Variants in LRRK2 observed in about 807,000 individuals in gnomAD.
The protein encoded by LRRK2 is leucine-rich repeat serine/threonine-protein kinase 2.
A neutral mutation model predicts 302.6 loss-of-function variants in LRRK2; 203 were observed. The ratio of observed to expected loss-of-function variants is 0.67; its 90% CI spans 0.60 to 0.75. The LOEUF is 0.75. Ranked by LOEUF, LRRK2 falls within the 30% of genes least tolerant of loss-of-function variation. The pLI, the probability that LRRK2 is intolerant of heterozygous loss-of-function variation, is 0.00. For synonymous variants in LRRK2, 1,066 were observed against 1,031.9 expected (o/e 1.03, Z -0.63); for missense variants, 2,830 against 2,951.0 (o/e 0.96, Z 0.95).
chr12:40,343,317 C>T (rs1474727930), intron 41 of LRRK2, among the ~76,000 whole-genome samples: 11 of 152,110 alleles, frequency 7.2e-5, no homozygotes, highest in African/African-American at 2.7e-4. Flanking sequence ...ATTCTGGGTC[C>T]TATGGCAATT....
In LRRK2 at chr12:40,276,400, A is replaced by G. The variant is rs561077251; in HGVS notation, c.1941+1407A>G. The stretch of plus-strand genomic sequence containing the variant: ...ACCCTCCGCCTCCTGGGTTCAAGCA[A>G]TTCTCCTGCCTCAGCCTCCCTAGTA... On this transcript the variant is annotated intron_variant, in intron 16 of 50. Transcript: ENST00000298910. Among the ~76,000 whole-genome samples, 10 of 152,012 alleles carry G rather than the reference A, an allele frequency of 6.6e-5. No homozygotes were observed. In the South Asian group the frequency reaches 1.9e-3, roughly 28 times the overall value.
chr12:40,308,264 A>G (rs1296173773), intron 28 of LRRK2, among the ~76,000 whole-genome samples: 2 of 152,146 alleles, frequency 1.3e-5, no homozygotes, highest in African/African-American at 4.8e-5. Flanking sequence ...TGATTTTACC[A>G]AACATTATCA....
chr12:40,324,310 G>A (rs1039388757), intron 38 of LRRK2, among the ~76,000 whole-genome samples: 1 of 151,996 alleles, frequency 6.6e-6, no homozygotes, highest in African/African-American at 2.4e-5. Context: ...TATATGTTGT[G>A]GAATGGAGAA....
At chr12:40,337,499 C>T (rs1369399149) in intron 40 of LRRK2, among the ~76,000 whole-genome samples, 1 of 152,072 alleles carries the variant, frequency 6.6e-6, no homozygotes, top group African/African-American at 2.4e-5. Flanking sequence ...TGTTATATCC[C>T]ACAGTTGCCA....
At chr12:40,226,469 A>G (rs1390459673) in intron 2 of LRRK2, among the ~76,000 whole-genome samples, 3 of 152,162 alleles carry the variant, frequency 2.0e-5, no homozygotes, top group South Asian at 2.1e-4. Context: ...CAGAAAGCCA[A>G]TGTTTCTTAA....
chr12:40,252,138 T>C (rs1942301930), intron 10 of LRRK2, among the ~76,000 whole-genome samples: 1 of 152,222 alleles, frequency 6.6e-6, no homozygotes, highest in Non-Finnish European at 1.5e-5. Context: ...TTGTTTCATA[T>C]CCGTGAGCCT....
At chr12:40,296,435 C>G (rs1309841304) in intron 23 of LRRK2, among the ~76,000 whole-genome samples, 1 of 151,964 alleles carries the variant, frequency 6.6e-6, no homozygotes, top group Non-Finnish European at 1.5e-5. Context: ...GAGTTCAAGA[C>G]CAGCTTAAGC....
intron 29 of LRRK2, 126 bp from the exon 30 acceptor site, chr12:40,308,980 C>A: frequency 9.1e-7 from 1 of 1,101,410 alleles, no homozygotes; most frequent in Non-Finnish European, 1.3e-6. Context: ...TAAACATGGT[C>A]TGTTGTTTTT....
chr12:40,274,051 C>A (rs117018477), intron 14 of LRRK2, among the ~76,000 whole-genome samples: 134 of 152,250 alleles, frequency 8.8e-4, no homozygotes, highest in Middle Eastern at 3.4e-3. Flanking sequence ...ATTTCTGCAT[C>A]TTTAAAGTTT....
chr12:40,237,975 T>C lies in LRRK2; in HGVS notation c.443T>C (p.Ile148Thr). 3 of 1,611,480 alleles carry C rather than the reference T, an allele frequency of 1.9e-6. No homozygotes were observed. The highest frequency in any genetic ancestry group is 2.5e-6 in the Non-Finnish European group (3 of 1,178,434). Residue 148 changes from isoleucine to threonine, a missense_variant, in exon 5 of 51, where the codon ATC becomes ACC. Transcript: ENST00000298910. ...ATTATTCTCTTTAAAATAGGTAAAA[T>C]CACCTTGCTGATATTGGATGAAGAA... ...TLDLLLTSGK[I>T]TLLILDEESD...
rs1565714732 is a variant in LRRK2 at position 40,287,498 on chromosome 12, T to C, written c.2648T>C (p.Met883Thr). ...DEWTFIPDSS[M>T]DSVFAQSDDL... Reference sequence around the variant, plus strand: ...TGGACCTTTATTCCTGACTCTTCTATGGACAGTGTGTTTGCTCAAAGTGAT... The same window carrying C: ...TGGACCTTTATTCCTGACTCTTCTACGGACAGTGTGTTTGCTCAAAGTGAT... Residue 883 changes from methionine (M) to threonine (T), a missense_variant, in exon 20 of 51, where the codon ATG becomes ACG. Met to Thr is a moderately conservative substitution (Grantham distance 81). Transcript: ENST00000298910. 3 of 1,612,718 alleles carry C rather than the reference T, an allele frequency of 1.9e-6. No homozygotes were observed. The highest frequency in any genetic ancestry group is 2.5e-6 in the Non-Finnish European group (3 of 1,179,006).
At chr12:40,362,374 T>C (rs1386449166) in intron 47 of LRRK2, among the ~76,000 whole-genome samples, 1 of 152,092 alleles carries the variant, frequency 6.6e-6, no homozygotes, top group Non-Finnish European at 1.5e-5. Flanking sequence ...ATTTTGACTA[T>C]TTTTACATAT....
intron 48 of LRRK2, among the ~76,000 whole-genome samples, 166 bp downstream of exon 48, chr12:40,363,720 A>G (rs1177129926): frequency 6.6e-6 from 1 of 151,986 alleles, no homozygotes; most frequent in Non-Finnish European, 1.5e-5. Flanking sequence ...GATCAAGAAA[A>G]TTTTGTCTTC....
chr12:40,284,900 A>G (rs1217500771), intron 19 of LRRK2, among the ~76,000 whole-genome samples: 1 of 152,122 alleles, frequency 6.6e-6, no homozygotes, highest in African/African-American at 2.4e-5. Flanking sequence ...CTAGCAAAAC[A>G]CCAGTTTTGG....
At chr12:40,321,946 A>G in intron 35 of LRRK2, 89 bp from the exon 36 acceptor site, 2 of 1,271,156 alleles carry the variant, frequency 1.6e-6, no homozygotes, top group East Asian at 2.3e-5. Context: ...AAATGAATAG[A>G]TCTGTATTAC....
At chr12:40,332,759 T>C (rs1329534085) in intron 39 of LRRK2, among the ~76,000 whole-genome samples, 2 of 152,084 alleles carry the variant, frequency 1.3e-5, no homozygotes, top group African/African-American at 4.8e-5. Flanking sequence ...AATGTGTAGG[T>C]AATTTCTTAT....
chr12:40,323,040 T>C lies in LRRK2; in HGVS notation c.5510-120T>C, dbSNP rs188286419. ...TTTCCTAGAGAAATATAGGATTGGTTAGAAAGGGAGGGATTAGAAATTATA... is the reference window on the plus strand; with the variant it reads ...TTTCCTAGAGAAATATAGGATTGGTCAGAAAGGGAGGGATTAGAAATTATA... On this transcript the variant is annotated intron_variant, in intron 37 of 50. Coordinates refer to ENST00000298910, the MANE Select transcript of LRRK2 (RefSeq NM_198578.4). 3 of 812,558 alleles carry C rather than the reference T, an allele frequency of 3.7e-6. No individual in the cohort carries two copies. The African/African-American group carries it at 5.1e-5, about 14-fold the overall frequency. 50.3% of individuals were successfully genotyped at this position (812,558 alleles called of 1,614,324 possible).
At chr12:40,232,201 G>A (rs972333408) in intron 2 of LRRK2, 73 bp from the exon 3 acceptor site, 2 of 1,049,992 alleles carry the variant, frequency 1.9e-6, no homozygotes, top group Admixed American at 3.4e-5. Flanking sequence ...AGATTGAAGA[G>A]ATTCATGTTT....
In LRRK2 at chr12:40,314,211, G is replaced by A. The variant is rs764396837; in HGVS notation, c.4738+38G>A. 1.9e-6 allele frequency: 3 copies of A among 1,564,970 alleles called. No homozygotes were observed. The Admixed American group carries it at 5.0e-5, about 26-fold the overall frequency. On this transcript the variant is annotated intron_variant, in intron 32 of 50. Coordinates refer to ENST00000298910, the MANE Select transcript of LRRK2 (RefSeq NM_198578.4). ...CGTTCCTTATTTTCAAAGCTCAGCT[G>A]TAGTAACTTATAAAAGTGTTTCTGA...
Sources: gnomAD v4.1 joint callset for allele counts (sites outside exome capture counted in the v4.1 genomes callset) on GRCh38, gnomAD v4.1.1 for gene constraint, MANE v1.5 for transcripts, NCBI Gene and HGNC (gene_info 2026-07-23, HGNC 2026-07-21) for gene names.